The following VARS2 variants were observed in gnomAD, a reference collection of about 807,000 sequenced individuals.
VARS2 encodes the protein valyl-tRNA synthetase 2, mitochondrial, also known as valine--tRNA ligase, mitochondrial.
In VARS2, 105 loss-of-function variants were observed where a neutral mutation model predicts 154.1. The observed-to-expected ratio is 0.68, with a 90% CI of 0.58 to 0.80. The LOEUF (loss-of-function observed/expected upper bound fraction) is 0.80, where lower values mean the gene tolerates loss of function less well. VARS2 is among the 30% of genes least tolerant of loss of function. The pLI, the probability that VARS2 is intolerant of heterozygous loss-of-function variation, is 0.00. For missense variants in VARS2, 1,157 were observed against 1,361.4 expected, an observed-to-expected ratio of 0.85 and a Z score of 2.36; for synonymous variants, 483 against 539.5, an observed-to-expected ratio of 0.90 and a Z score of 1.45.
Position 30,916,316 on chromosome 6 carries a change from TC to T in VARS2, c.671+68del, listed in dbSNP as rs1794169604. ...TTTGGTTTCTTGCCTCCCACCACTATCACTCCTGACTTGTAATCCTTGGCTC... is the reference window on the plus strand; with the variant it reads ...TTTGGTTTCTTGCCTCCCACCACTATACTCCTGACTTGTAATCCTTGGCTC... On this transcript the variant is annotated intron_variant, in intron 7 of 29. Coordinates refer to ENST00000676266, the MANE Select transcript of VARS2 (RefSeq NM_020442.6). This position sits in a 1 kb window ranked among gnomAD's most constrained non-coding sequence, Gnocchi z 4.0. 7.4e-7 allele frequency: 1 copy of T among 1,343,824 alleles called. No homozygotes were observed. The highest frequency in any genetic ancestry group is 2.4e-5 in the East Asian group (1 of 41,716). 83.2% of individuals were successfully genotyped at this position (1,343,824 alleles called of 1,614,324 possible).
chr6:30,917,091 T>C lies in VARS2; in HGVS notation c.754-14T>C. On this transcript the variant is annotated splice_polypyrimidine_tract_variant and intron_variant, in intron 8 of 29. Coordinates refer to ENST00000676266, the MANE Select transcript of VARS2 (RefSeq NM_020442.6). The surrounding 1 kb of genome is among the most constrained non-coding windows in gnomAD (Gnocchi z 4.4). ...AGAAGTGGCTCTTAGAGGTGGACAC[T>C]CAGGTCATTCCAGGGCTCCTCAGTG... 1.2e-6 allele frequency: 2 copies of C among 1,614,074 alleles called. No homozygotes were observed. The highest frequency in any genetic ancestry group is 1.7e-5 in the Admixed American group (1 of 60,014).
rs1004872003 is a variant in VARS2 at position 30,916,570 on chromosome 6, T to C, written c.672-308T>C. On this transcript the variant is annotated intron_variant, in intron 7 of 29. Coordinates refer to ENST00000676266, the MANE Select transcript of VARS2 (RefSeq NM_020442.6). The surrounding 1 kb of genome is among the most constrained non-coding windows in gnomAD (Gnocchi z 4.0). ...TCTTCCACTCGCCCATTCCCACCTT[T>C]CAATTCCCATGGAATTACCCTCATT... The C allele has an allele frequency of 1.2e-5, 5 of 429,280 alleles. No homozygotes were observed. The highest frequency in any genetic ancestry group is 2.0e-5 in the African/African-American group (1 of 50,350). The allele number at this position is 429,280 out of a possible 1,614,324, so 26.6% of individuals were successfully genotyped here.
rs766247129 is a variant in VARS2 at position 30,915,774 on chromosome 6, C to A, written c.413C>A (p.Thr138Asn). ...QARLPQATGE[T>N]FSMCIPPPNV... ...CGGCTGCCCCAAGCTACAGGGGAGA[C>A]CTTTTCCATGTGTATCCCACCTCCC... Residue 138 changes from threonine (T) to asparagine (N), a missense_variant, in exon 5 of 30, where the codon ACC becomes AAC. Physicochemically the swap from Thr to Asn is moderately conservative, Grantham distance 65. Transcript: ENST00000676266. 6.2e-7 allele frequency: 1 copy of A among 1,613,720 alleles called. No individual in the cohort carries two copies. The highest frequency in any genetic ancestry group is 8.5e-7 in the Non-Finnish European group (1 of 1,180,038).
rs1309389843 is a variant in VARS2 at position 30,917,086 on chromosome 6, G to A, written c.754-19G>A. The stretch of plus-strand genomic sequence containing the variant: ...GGCTGAGAAGTGGCTCTTAGAGGTG[G>A]ACACTCAGGTCATTCCAGGGCTCCT... On this transcript the variant is annotated intron_variant, in intron 8 of 29. Coordinates refer to ENST00000676266, the MANE Select transcript of VARS2 (RefSeq NM_020442.6). The surrounding 1 kb of genome is among the most constrained non-coding windows in gnomAD (Gnocchi z 4.4). The A allele has an allele frequency of 1.2e-6, 2 of 1,614,122 alleles. No individual in the cohort carries two copies. The highest frequency in any genetic ancestry group is 1.7e-6 in the Non-Finnish European group (2 of 1,180,030).
chr6:30,919,385 C>T lies in VARS2; in HGVS notation c.1075-373C>T, dbSNP rs1172738561. The stretch of plus-strand genomic sequence containing the variant: ...GTTATTTAGTAGAGACGGAGTGTCA[C>T]TGTGTTAGCCAGGATAGTCTCGATC... On this transcript the variant is annotated intron_variant, in intron 11 of 29. Transcript: ENST00000676266. This position sits in a 1 kb window ranked among gnomAD's most constrained non-coding sequence, Gnocchi z 4.5. 3 of 207,110 alleles carry T rather than the reference C, an allele frequency of 1.4e-5. No homozygotes were observed. The highest frequency in any genetic ancestry group is 1.9e-5 in the Non-Finnish European group (2 of 104,444). 12.8% of individuals were successfully genotyped at this position (207,110 alleles called of 1,614,324 possible).
At position 30,922,161 on chromosome 6, in the gene VARS2, G is replaced by A; in HGVS notation, c.1852G>A (p.Gly618Ser). ...RFYPLSLLET[G>S]SDLLLFWVGR... is the part of the protein sequence containing the mutation. ...CTACCCCCTGTCACTTTTGGAAACG[G>A]GCAGCGACCTTCTGCTGTTCTGGGT... The change falls in exon 20 of 30, where the codon GGC becomes AGC. Residue 618 changes from glycine (G) to serine (S), a missense_variant. By Grantham distance (56) the Gly-to-Ser change is moderately conservative. Coordinates refer to ENST00000676266, the MANE Select transcript of VARS2 (RefSeq NM_020442.6). 6.2e-7 allele frequency: 1 copy of A among 1,612,534 alleles called. No individual in the cohort carries two copies. The highest frequency in any genetic ancestry group is 1.1e-5 in the South Asian group (1 of 91,040).
chr6:30,917,945 C>A lies in VARS2; in HGVS notation c.985+139C>A. 1.2e-6 allele frequency: 1 copy of A among 858,774 alleles called. No individual in the cohort carries two copies. The highest frequency in any genetic ancestry group is 2.7e-5 in the East Asian group (1 of 37,242). The allele number at this position is 858,774 out of a possible 1,614,324, so 53.2% of individuals were successfully genotyped here. A position where few individuals can be genotyped will look rare whatever the true frequency, so the allele number is the denominator to read the frequency against. ...TGTTCACCTCAGCGTGGGCACTTAC[C>A]CAGGGTCTTCTGGGGGATGTACAAA... On this transcript the variant is annotated intron_variant, in intron 10 of 29. Transcript: ENST00000676266. The surrounding 1 kb of genome is among the most constrained non-coding windows in gnomAD (Gnocchi z 4.4).
rs2517467 is a variant in VARS2 at position 30,921,483 on chromosome 6, G to A, written c.1633-106G>A. On this transcript the variant is annotated intron_variant, in intron 17 of 29. Coordinates refer to ENST00000676266, the MANE Select transcript of VARS2 (RefSeq NM_020442.6). This position sits in a 1 kb window ranked among gnomAD's most constrained non-coding sequence, Gnocchi z 4.6. ...TGGCATTTCTTTATCTCACCCCTGG[G>A]GGAACCTGGCCACTCTAAGACCACA... 0.54 allele frequency: 780,967 copies of A among 1,442,894 alleles called. 218,041 individuals are homozygous for A. The highest frequency in any genetic ancestry group is 0.81 in the East Asian group (32,932 of 40,758). The allele number at this position is 1,442,894 out of a possible 1,614,324, so 89.4% of individuals were successfully genotyped here. A position where few individuals can be genotyped will look rare whatever the true frequency, so the allele number is the denominator to read the frequency against.
chr6:30,915,869 TGA>T lies in VARS2; in HGVS notation c.506+6_506+7del. On this transcript the variant is annotated splice_donor_region_variant and intron_variant, in intron 5 of 29. Coordinates refer to ENST00000676266, the MANE Select transcript of VARS2 (RefSeq NM_020442.6). ...CATACAGGATGCCCTCGTGCGCTGG[TGA>T]GAGGGGAGTGGGGGCTGCTTGAGTT... 6.2e-7 allele frequency: 1 copy of T among 1,613,582 alleles called. No homozygotes were observed. Among genetic ancestry groups the T allele is most frequent in the Non-Finnish European group, 8.5e-7 (1 of 1,179,902 alleles).
chr6:30,917,663 G>A lies in VARS2; in HGVS notation c.874-32G>A. The A allele has an allele frequency of 2.0e-6, 3 of 1,530,248 alleles. No individual in the cohort carries two copies. Among genetic ancestry groups the A allele is most frequent in the Non-Finnish European group, 8.8e-7 (1 of 1,136,888 alleles). 94.8% of individuals were successfully genotyped at this position (1,530,248 alleles called of 1,614,324 possible). On this transcript the variant is annotated intron_variant, in intron 9 of 29. Transcript: ENST00000676266. The surrounding 1 kb of genome is among the most constrained non-coding windows in gnomAD (Gnocchi z 4.4). ...TGGGCATGAGCCTTGCAGAAAGGCT[G>A]CCCTCTGACCCAGCTTTCTCGGTGC...
Position 30,925,910 on chromosome 6 carries a change from C to G in VARS2, c.2992C>G (p.Leu998Val). 1.2e-6 allele frequency: 2 copies of G among 1,613,062 alleles called. No homozygotes were observed. The highest frequency in any genetic ancestry group is 1.7e-6 in the Non-Finnish European group (2 of 1,180,040). Residue 998 changes from leucine to valine, a missense_variant, in exon 29 of 30, where the codon CTG becomes GTG. Transcript: ENST00000676266. ...GLVDPQIQLP[L>V]LAARRYKLQK... ...GGTGGACCCGCAGATCCAGCTACCT[C>G]TGTTAGCCGCCCGAAGGTACAAGTT...
intron 10 of VARS2, among the ~76,000 whole-genome samples, chr6:30,918,423 A>T (rs1794308307): frequency 6.6e-6 from 1 of 152,216 alleles, no homozygotes. Flanking sequence ...GGGAAGACAG[A>T]TGAGCTGGAA....
At position 30,921,901 on chromosome 6, in the gene VARS2, C is replaced by T; in HGVS notation, c.1736-24C>T. ...TCCTAGAAGCCAAGGTTCCAACTGT[C>T]CCCATTCTTTTTCTGTTTCCCAGAT... On this transcript the variant is annotated intron_variant, in intron 18 of 29. Coordinates refer to ENST00000676266, the MANE Select transcript of VARS2 (RefSeq NM_020442.6). The surrounding 1 kb of genome is among the most constrained non-coding windows in gnomAD (Gnocchi z 4.6). 6.2e-7 allele frequency: 1 copy of T among 1,612,740 alleles called. No individual in the cohort carries two copies. The highest frequency in any genetic ancestry group is 8.5e-7 in the Non-Finnish European group (1 of 1,179,812).
rs1472945487 is a variant in VARS2 at position 30,920,033 on chromosome 6, T to C, written c.1166-56T>C. On this transcript the variant is annotated intron_variant, in intron 12 of 29. Coordinates refer to ENST00000676266, the MANE Select transcript of VARS2 (RefSeq NM_020442.6). The surrounding 1 kb of genome is among the most constrained non-coding windows in gnomAD (Gnocchi z 4.6). Reference sequence around the variant, plus strand: ...GCGGTGCAGGTGATGATGATACATCTGGAAAAGCAAAAGCCAAGGTCAGGT... The same window carrying C: ...GCGGTGCAGGTGATGATGATACATCCGGAAAAGCAAAAGCCAAGGTCAGGT... The C allele has an allele frequency of 1.6e-5, 13 of 800,174 alleles. No homozygotes were observed. Among genetic ancestry groups the C allele is most frequent in the Non-Finnish European group, 2.1e-5 (13 of 619,420 alleles). The allele number at this position is 800,174 out of a possible 1,614,324, so 49.6% of individuals were successfully genotyped here.
At chr6:30,924,323 C>T in intron 25 of VARS2, 31 bp from the exon 26 acceptor site, 1 of 1,608,984 alleles carries the variant, frequency 6.2e-7, no homozygotes, top group Non-Finnish European at 8.5e-7. Flanking sequence ...TGGCCCTGGA[C>T]CTGTCCTCTG....
Position 30,922,103 on chromosome 6 carries a change from C to T in VARS2, c.1807-13C>T. ...CTGGGGCCTGGGCCTCTTACTGCTC[C>T]TCTTCCCCCTAGACCCCAGACCTTG... is the stretch of plus-strand genomic sequence containing the variant. On this transcript the variant is annotated splice_polypyrimidine_tract_variant and intron_variant, in intron 19 of 29. Transcript: ENST00000676266. The T allele has an allele frequency of 1.2e-6, 2 of 1,612,348 alleles. No homozygotes were observed. The highest frequency in any genetic ancestry group is 2.2e-5 in the South Asian group (2 of 91,008).
chr6:30,926,044 C>A, intron 29 of VARS2, 36 bp downstream of exon 29: 1 of 1,613,006 alleles, frequency 6.2e-7, no homozygotes, highest in Non-Finnish European at 8.5e-7. Context: ...GGCTCCACCC[C>A]TGAGGGAATG....
chr6:30,915,863 C>G lies in VARS2; in HGVS notation c.502C>G (p.Arg168Gly). The G allele has an allele frequency of 6.2e-7, 1 of 1,614,028 alleles. No homozygotes were observed. ...GGTGGCCATACAGGATGCCCTCGTG[C>G]GCTGGTGAGAGGGGAGTGGGGGCTG... is the stretch of plus-strand genomic sequence containing the variant. ...LTVAIQDALV[R>G]WHRMRGDQVL... The change falls in exon 5 of 30, where the codon CGC becomes GGC. Residue 168 changes from arginine to glycine, a missense_variant. Arg to Gly is a moderately radical substitution (Grantham distance 125, BLOSUM62 -2). Coordinates refer to ENST00000676266, the MANE Select transcript of VARS2 (RefSeq NM_020442.6).
At chr6:30,923,886 C>G (rs974876666) in intron 25 of VARS2, 2 of 364,922 alleles carry the variant, frequency 5.5e-6, no homozygotes, top group African/African-American at 2.1e-5. Flanking sequence ...TCACGCTGTC[C>G]TACGTCCAAA....
Sources: allele counts gnomAD v4.1 joint callset (sites outside exome capture counted in the v4.1 genomes callset), GRCh38; gene constraint gnomAD v4.1.1; non-coding constraint Gnocchi (gnomAD v3.1); transcripts MANE v1.5; gene names NCBI Gene and HGNC (gene_info 2026-07-23, HGNC 2026-07-21).